Variants in MEP1A observed in about 807,000 individuals in gnomAD.
MEP1A encodes meprin A subunit alpha, also known as N-benzoyl-L-tyrosyl-P-amino-benzoic acid hydrolase subunit alpha.
MEP1A carries 68 observed loss-of-function variants against 84.5 expected under a neutral mutation model. That is an observed-to-expected ratio of 0.80 (90% CI 0.66 to 0.98). The LOEUF is 0.98. Among genes scored for constraint, MEP1A ranks in the 50% least tolerant of loss-of-function variants. The pLI is 0.00. For missense variants in MEP1A, 887 were observed against 919.9 expected, an observed-to-expected ratio of 0.96 and a Z score of 0.46; for synonymous variants, 337 against 336.8, an observed-to-expected ratio of 1.00 and a Z score of -0.01.
intron 10 of MEP1A, among the ~76,000 whole-genome samples, chr6:46,831,887 C>T (rs574073493): frequency 1.5e-4 from 23 of 152,252 alleles, no homozygotes; most frequent in African/African-American, 3.9e-4. Context: ...CAGAGGTGGT[C>T]GTGTGCCTTC....
intron 3 of MEP1A, among the ~76,000 whole-genome samples, chr6:46,794,595 A>G (rs541223526): frequency 1.1e-4 from 16 of 152,230 alleles, no homozygotes; most frequent in South Asian, 8.3e-4. Context: ...CTAAGGGTCA[A>G]TTTTTCTGGC....
intron 10 of MEP1A, among the ~76,000 whole-genome samples, chr6:46,832,872 T>A (rs1768106873): frequency 6.6e-6 from 1 of 152,184 alleles, no homozygotes; most frequent in Non-Finnish European, 1.5e-5. Flanking sequence ...AATCATAGTA[T>A]TTTAAAAAAC....
intron 5 of MEP1A, among the ~76,000 whole-genome samples, chr6:46,805,915 T>C (rs1293410057): frequency 6.6e-6 from 1 of 152,000 alleles, no homozygotes; most frequent in African/African-American, 2.4e-5. Context: ...ACTGGGTGAT[T>C]TTTTTCCCAT....
chr6:46,821,111 T>G (rs1361444054), intron 7 of MEP1A, among the ~76,000 whole-genome samples: 1 of 152,220 alleles, frequency 6.6e-6, no homozygotes, highest in African/African-American at 2.4e-5. Context: ...GTAGTTCATT[T>G]TGGAGTAAGA....
intron 3 of MEP1A, 94 bp downstream of exon 3, chr6:46,793,810 A>G (rs1766988409): frequency 1.2e-6 from 1 of 869,128 alleles, no homozygotes; most frequent in East Asian, 2.6e-5. Context: ...CTGTATTGTG[A>G]TTCTCTGGGG....
downstream of MEP1A, among the ~76,000 whole-genome samples, chr6:46,843,814 T>C (rs1448382600): frequency 6.6e-6 from 1 of 152,184 alleles, no homozygotes; most frequent in African/African-American, 2.4e-5. Flanking sequence ...ATTTTAGAGA[T>C]TCTGAAGTCC....
chr6:46,824,611 TA>T (rs1376428423), intron 7 of MEP1A, among the ~76,000 whole-genome samples: 2 of 134,964 alleles, frequency 1.5e-5, no homozygotes, highest in East Asian at 4.2e-4. Flanking sequence ...TAGATGTATT[TA>T]AATATATATA....
intron 5 of MEP1A, among the ~76,000 whole-genome samples, chr6:46,800,980 G>A (rs753666275): frequency 4.6e-5 from 7 of 152,074 alleles, no homozygotes; most frequent in African/African-American, 1.4e-4. Context: ...TATTGTTGTA[G>A]ATCAACAGTA....
At chr6:46,800,497 A>G (rs1247823920) in intron 5 of MEP1A, among the ~76,000 whole-genome samples, 1 of 152,168 alleles carries the variant, frequency 6.6e-6, no homozygotes, top group Admixed American at 6.5e-5. Context: ...ATAGGTAAGA[A>G]ATTATATTTG....
intron 5 of MEP1A, among the ~76,000 whole-genome samples, chr6:46,806,765 G>A (rs887495338): frequency 2.6e-5 from 4 of 151,962 alleles, no homozygotes; most frequent in African/African-American, 9.7e-5. Context: ...CAGCCACTCG[G>A]GTTAAAACTC....
chr6:46,793,664 A>G lies in MEP1A; in HGVS notation c.95-2A>G. On this transcript the variant is annotated splice_acceptor_variant, in intron 2 of 13. Coordinates refer to ENST00000230588, the MANE Select transcript of MEP1A (RefSeq NM_005588.3). LOFTEE classifies it high-confidence loss of function. ...AATAATTTTTTTTCTCACTTTTAAC[A>G]GTACATGATGCAGATTTTGGTGAAC... 5 of 1,608,010 alleles carry G rather than the reference A, an allele frequency of 3.1e-6. No individual in the cohort carries two copies. The highest frequency in any genetic ancestry group is 4.3e-6 in the Non-Finnish European group (5 of 1,176,186).
Position 46,835,199 on chromosome 6 carries a change from T to C in MEP1A, c.1784-50T>C, listed in dbSNP as rs777524206. On this transcript the variant is annotated intron_variant, in intron 12 of 13. Coordinates refer to ENST00000230588, the MANE Select transcript of MEP1A (RefSeq NM_005588.3). ...TTTCACCAGAAGTGGGAGTTAATTG[T>C]AGTCAGTTACTAATCCTGGATCTTC... 1.4e-5 allele frequency: 20 copies of C among 1,466,248 alleles called. No individual in the cohort carries two copies. The Admixed American group carries it at 2.5e-4, about 18-fold the overall frequency. The allele number at this position is 1,466,248 out of a possible 1,614,324, so 90.8% of individuals were successfully genotyped here. A position where few individuals can be genotyped will look rare whatever the true frequency, so the allele number is the denominator to read the frequency against.
rs533018329 is a variant in MEP1A, at chr6:46,799,934, T to C, written c.262+753T>C. Among the ~76,000 whole-genome samples, 203 of 152,194 alleles carry C rather than the reference T, an allele frequency of 1.3e-3. 1 individual carries two copies. The highest frequency in any genetic ancestry group is 4.8e-3 in the African/African-American group (199 of 41,530). The stretch of plus-strand genomic sequence containing the variant: ...GTGAAGAAGGGAAGCCAGGACAGGG[T>C]TGCTTAGTCTTGTTGGGCTGCTAGG... On this transcript the variant is annotated intron_variant, in intron 5 of 13. Transcript: ENST00000230588.
intron 7 of MEP1A, among the ~76,000 whole-genome samples, chr6:46,824,113 T>G (rs3807007): frequency 0.42 from 64,208 of 151,872 alleles, 13,927 homozygotes; most frequent in African/African-American, 0.5. Context: ...AGACTCAGTG[T>G]ATGAGGTACT....
At chr6:46,836,416 C>CT (rs568258094) in intron 13 of MEP1A, among the ~76,000 whole-genome samples, 6 of 151,964 alleles carry the variant, frequency 3.9e-5, no homozygotes, top group Non-Finnish European at 8.8e-5. Flanking sequence ...TTTTAGTCTC[C>CT]TTTTTTTTCT....
chr6:46,824,665 T>TATATA (rs1450511900), intron 7 of MEP1A, among the ~76,000 whole-genome samples: 1 of 129,648 alleles, frequency 7.7e-6, no homozygotes, highest in East Asian at 2.2e-4. Flanking sequence ...ATATAATGTA[T>TATATA]TTAAATAGAT....
At chr6:46,821,997 A>C (rs535168054) in intron 7 of MEP1A, among the ~76,000 whole-genome samples, 2 of 152,248 alleles carry the variant, frequency 1.3e-5, no homozygotes, top group Non-Finnish European at 2.9e-5. Flanking sequence ...TAACTTAAGA[A>C]GACACTGTAC....
rs770956432 is a variant in MEP1A at position 46,825,322 on chromosome 6, A to G, written c.607A>G (p.Asn203Asp). ...TGATGATAGCTTAATCACAGACCTCAATACACCCTATGATTATGAGTCTTT... is the reference window on the plus strand; with the variant it reads ...TGATGATAGCTTAATCACAGACCTCGATACACCCTATGATTATGAGTCTTT... The part of the protein sequence containing the change: ...TYDDSLITDL[N>D]TPYDYESLMH... The change falls in exon 8 of 14, where the codon AAT becomes GAT. Residue 203 changes from asparagine to aspartate, a missense_variant. By Grantham distance (23) the Asn-to-Asp change is conservative (BLOSUM62 1). Coordinates refer to ENST00000230588, the MANE Select transcript of MEP1A (RefSeq NM_005588.3). The G allele has an allele frequency of 6.2e-7, 1 of 1,613,630 alleles. No individual in the cohort carries two copies. The highest frequency in any genetic ancestry group is 1.3e-5 in the African/African-American group (1 of 74,862).
chr6:46,806,952 G>C (rs1203264859), intron 5 of MEP1A, among the ~76,000 whole-genome samples: 1 of 151,860 alleles, frequency 6.6e-6, no homozygotes, highest in Non-Finnish European at 1.5e-5. Flanking sequence ...GTTTCTGCCT[G>C]TTTTAGCCAT....
Sources: gnomAD v4.1 joint callset for allele counts (sites outside exome capture counted in the v4.1 genomes callset) on GRCh38, gnomAD v4.1.1 for gene constraint, MANE v1.5 for transcripts, NCBI Gene and HGNC (gene_info 2026-07-23, HGNC 2026-07-21) for gene names.